Variants in DNAJA4 observed in about 807,000 individuals in gnomAD.
DNAJA4 encodes dnaJ homolog subfamily A member 4.
In DNAJA4, 32 loss-of-function variants were observed where a neutral mutation model predicts 39.7. The observed-to-expected ratio is 0.81, with a 90% confidence interval of 0.61 to 1.08. DNAJA4 has a LOEUF of 1.08. DNAJA4 is among the 50% of genes least tolerant of loss of function. The probability of loss-of-function intolerance (pLI) is 0.00; values close to 1 mark genes in which losing one functional copy is unlikely to be tolerated. For missense variants in DNAJA4, 439 were observed against 505.1 expected (o/e 0.87, Z 1.25); for synonymous variants, 184 against 182.4 (o/e 1.01, Z -0.07).
In DNAJA4 at chr15:78,270,608, T is replaced by G; in HGVS notation, c.244T>G (p.Phe82Val). ...IKEGGSGSPS[F>V]SSPMDIFDMF... is the part of the protein sequence containing the mutation. Reference sequence around the variant, plus strand: ...AGAAGGAGGCTCAGGCAGCCCCAGCTTCTCTTCACCCATGGACATCTTTGA... The same window carrying G: ...AGAAGGAGGCTCAGGCAGCCCCAGCGTCTCTTCACCCATGGACATCTTTGA... Residue 82 changes from phenylalanine (F) to valine (V), a missense_variant, in exon 2 of 7, where the codon TTC becomes GTC. Physicochemically the swap from Phe to Val is conservative, Grantham distance 50. Transcript: ENST00000394852. The G allele has an allele frequency of 6.2e-7, 1 of 1,614,228 alleles. No homozygotes were observed.
chr15:78,280,175 C>G, intron 6 of DNAJA4, 30 bp downstream of exon 6: 1 of 1,611,376 alleles, frequency 6.2e-7, no homozygotes, highest in Admixed American at 1.7e-5. Context: ...TTGTCATGGA[C>G]ATATTATTAA....
rs2049060369 is a variant in DNAJA4, at chr15:78,264,562, A to G, written c.-202A>G. 1 of 1,198,122 alleles carries G rather than the reference A, an allele frequency of 8.3e-7. No homozygotes were observed. The highest frequency in any genetic ancestry group is 1.6e-5 in the African/African-American group (1 of 62,720). The allele number at this position is 1,198,122 out of a possible 1,614,324, so 74.2% of individuals were successfully genotyped here. A position where few individuals can be genotyped will look rare whatever the true frequency, so the allele number is the denominator to read the frequency against. ...CCGCCGCGGAGGAGCCGGTGGCTCT[A>G]GTGCGGTGGAGCCAGGCGTGGAAGT... On this transcript the variant is annotated 5_prime_UTR_variant, in exon 1 of 7. Coordinates refer to ENST00000394852, the MANE Select transcript of DNAJA4 (RefSeq NM_001130182.2).
chr15:78,264,957 G>T, intron 1 of DNAJA4, 62 bp downstream of exon 1: 2 of 1,463,152 alleles, frequency 1.4e-6, no homozygotes, highest in Non-Finnish European at 1.8e-6. Context: ...TAAGCCAGGA[G>T]CATTGAAGGC....
intron 1 of DNAJA4, among the ~76,000 whole-genome samples, chr15:78,267,006 T>G (rs1200881152): frequency 6.6e-6 from 1 of 152,174 alleles, no homozygotes; most frequent in Non-Finnish European, 1.5e-5. Context: ...GGGGACACAA[T>G]TTATAGAAAC....
At chr15:78,272,090 A>G (rs531770282) in intron 2 of DNAJA4, among the ~76,000 whole-genome samples, 26 of 152,304 alleles carry the variant, frequency 1.7e-4, no homozygotes, top group African/African-American at 6.3e-4. Context: ...AACCTTGGGT[A>G]CTTTGGGAGG....
At chr15:78,267,840 AGTT>A (rs1425713856) in intron 1 of DNAJA4, among the ~76,000 whole-genome samples, 1 of 152,018 alleles carries the variant, frequency 6.6e-6, no homozygotes, top group Admixed American at 6.5e-5. Flanking sequence ...ACTTTTCCCA[AGTT>A]GTTACGTAGT....
rs768649262 is a variant in DNAJA4, at chr15:78,280,470, G to A, written c.*10G>A. 4 of 1,598,320 alleles carry A rather than the reference G, an allele frequency of 2.5e-6. No homozygotes were observed. In the East Asian group the frequency reaches 9.0e-5, roughly 36 times the overall value. On this transcript the variant is annotated 3_prime_UTR_variant, in exon 7 of 7. Transcript: ENST00000394852. The stretch of plus-strand genomic sequence containing the variant: ...GTGCCAGACGGCATGACGTGGTGCG[G>A]GGCAGCGTGGCCCCACCGGACTAGC...
chr15:78,269,817 C>T (rs1342725604), intron 1 of DNAJA4, among the ~76,000 whole-genome samples: 1 of 151,316 alleles, frequency 6.6e-6, no homozygotes, highest in African/African-American at 2.4e-5. Flanking sequence ...TGATTCTTTT[C>T]GTACAATTGG....
chr15:78,264,593 C>CGGCGCGG lies in DNAJA4; in HGVS notation c.-166_-160dup, dbSNP rs1156497882. The CGGCGCGG allele has an allele frequency of 1.3e-4, 152 of 1,152,644 alleles. No homozygotes were observed. In the African/African-American group the frequency reaches 1.6e-3, roughly 12 times the overall value. 71.4% of individuals were successfully genotyped at this position (1,152,644 alleles called of 1,614,324 possible). A position where few individuals can be genotyped will look rare whatever the true frequency, so the allele number is the denominator to read the frequency against. On this transcript the variant is annotated 5_prime_UTR_variant, in exon 1 of 7. Coordinates refer to ENST00000394852, the MANE Select transcript of DNAJA4 (RefSeq NM_001130182.2). ...GTGGAGCCAGGCGTGGAAGTCGGTC[C>CGGCGCGG]GGCGCGGGGCGGGGGGCGGGCGGGA...
chr15:78,274,478 C>T, intron 4 of DNAJA4, 54 bp downstream of exon 4: 1 of 1,514,366 alleles, frequency 6.6e-7, no homozygotes, highest in Non-Finnish European at 9.1e-7. Context: ...TGTCTGGGTG[C>T]TAATCGTGAG....
At position 78,265,971 on chromosome 15, in the gene DNAJA4, G is replaced by A. The variant is rs955820219; in HGVS notation, c.132+1076G>A. On this transcript the variant is annotated intron_variant, in intron 1 of 6. Transcript: ENST00000394852. ...GGACGGTTGGCTGAATGGCAACAGT[G>A]ATGGAATATTTATATTTAGCCACAT... 45 of 586,442 alleles carry A rather than the reference G, an allele frequency of 7.7e-5. No individual in the cohort carries two copies. The Middle Eastern group carries it at 1.4e-3, about 18-fold the overall frequency. 36.3% of individuals were successfully genotyped at this position (586,442 alleles called of 1,614,324 possible). A position where few individuals can be genotyped will look rare whatever the true frequency, so the allele number is the denominator to read the frequency against.
chr15:78,271,706 G>A (rs538351552), intron 2 of DNAJA4, among the ~76,000 whole-genome samples: 3 of 152,104 alleles, frequency 2.0e-5, no homozygotes, highest in Admixed American at 6.5e-5. Context: ...GCCAGGCTAC[G>A]GGCTGTCACC....
At chr15:78,278,904 C>T (rs1380646358) in intron 5 of DNAJA4, among the ~76,000 whole-genome samples, 2 of 146,416 alleles carry the variant, frequency 1.4e-5, no homozygotes, top group South Asian at 2.1e-4. Context: ...CTCCTGACCT[C>T]GTGATCCGCC....
At chr15:78,264,426 G>T, upstream of DNAJA4, 2 of 1,358,596 alleles carry the variant, frequency 1.5e-6, no homozygotes, top group South Asian at 3.4e-5. Flanking sequence ...ACGGGCGTCG[G>T]GGGTCTGGGC....
intron 5 of DNAJA4, among the ~76,000 whole-genome samples, chr15:78,276,397 G>C (rs904410218): frequency 1.9e-4 from 29 of 152,214 alleles, no homozygotes; most frequent in African/African-American, 6.8e-4. Context: ...AGGCCGAAAG[G>C]GTTCCTGAGG....
intron 3 of DNAJA4, 127 bp downstream of exon 3, chr15:78,273,326 A>G: frequency 4.5e-6 from 3 of 662,798 alleles, no homozygotes; most frequent in Non-Finnish European, 7.9e-6. Flanking sequence ...GAGATTACAA[A>G]CAGGTGGCCT....
rs1168129713 is a variant in DNAJA4 at position 78,270,404 on chromosome 15, A to T, written c.133-93A>T. ...GCTAGTTCAAGGGTTTGGGGGCAGAATACCTCTATTACTTTGTATGTTTAT... is the reference window on the plus strand; with the variant it reads ...GCTAGTTCAAGGGTTTGGGGGCAGATTACCTCTATTACTTTGTATGTTTAT... On this transcript the variant is annotated intron_variant, in intron 1 of 6. Transcript: ENST00000394852. 4.4e-6 allele frequency: 6 copies of T among 1,359,602 alleles called. No homozygotes were observed. The East Asian group carries it at 1.4e-4, about 31-fold the overall frequency. The allele number at this position is 1,359,602 out of a possible 1,614,324, so 84.2% of individuals were successfully genotyped here. A position where few individuals can be genotyped will look rare whatever the true frequency, so the allele number is the denominator to read the frequency against.
In DNAJA4 at chr15:78,265,788, T is replaced by C. The variant is rs1261810568; in HGVS notation, c.132+893T>C. 4 of 642,788 alleles carry C rather than the reference T, an allele frequency of 6.2e-6. No homozygotes were observed. In the Admixed American group the frequency reaches 7.1e-5, roughly 11 times the overall value. 39.8% of individuals were successfully genotyped at this position (642,788 alleles called of 1,614,324 possible). ...AACTTTGGTTGTTCCGCATGGGTCT[T>C]GAGAGGTGGGGCCGTTATAGTAGCT... On this transcript the variant is annotated intron_variant, in intron 1 of 6. Transcript: ENST00000394852.
chr15:78,275,382 G>A (rs986495587), intron 4 of DNAJA4, 116 bp from the exon 5 acceptor site: 22 of 826,246 alleles, frequency 2.7e-5, no homozygotes, highest in Non-Finnish European at 4.0e-5. Context: ...CCTGCATGAG[G>A]TTGGGAGACT....
Sources: allele counts gnomAD v4.1 joint callset (sites outside exome capture counted in the v4.1 genomes callset), GRCh38; gene constraint gnomAD v4.1.1; transcripts MANE v1.5; gene names NCBI Gene and HGNC (gene_info 2026-07-23, HGNC 2026-07-21).